The following MVB12B variants were observed in gnomAD, a reference collection of about 807,000 sequenced individuals.
MVB12B encodes the protein multivesicular body subunit 12B, also known as ESCRT-I complex subunit MVB12B.
In MVB12B, 16 loss-of-function variants were observed where a neutral mutation model predicts 41.6. That is an observed-to-expected ratio of 0.38 (90% confidence interval 0.26 to 0.58). The LOEUF is 0.58. Among genes scored for constraint, MVB12B ranks in the 20% least tolerant of loss-of-function variants. The pLI is 0.62. For missense variants in MVB12B, 274 were observed against 380.2 expected, an observed-to-expected ratio of 0.72 and a Z score of 2.32; for synonymous variants, 133 against 139.7, an observed-to-expected ratio of 0.95 and a Z score of 0.34.
chr9:126,488,266 A>G (rs1588208569), intron 9 of MVB12B, among the ~76,000 whole-genome samples: 1 of 133,274 alleles, frequency 7.5e-6, no homozygotes, highest in Non-Finnish European at 1.6e-5. Flanking sequence ...GCCCTTAGTG[A>G]GGGGCTTGGG....
At chr9:126,479,433 G>A (rs1396228133) in intron 7 of MVB12B, among the ~76,000 whole-genome samples, 1 of 152,114 alleles carries the variant, frequency 6.6e-6, no homozygotes, top group Non-Finnish European at 1.5e-5. Context: ...ATTCATTGCT[G>A]AACTTTTTCA....
In MVB12B at chr9:126,381,053, CT is replaced by C; in HGVS notation, c.205-10del. 6.2e-7 allele frequency: 1 copy of C among 1,611,666 alleles called. No homozygotes were observed. Among genetic ancestry groups the C allele is most frequent in the Non-Finnish European group, 8.5e-7 (1 of 1,177,844 alleles). ...TTACCTGCAATCCTTTTCTCTGTCTCTCCGGTGTAGGTTGCACAGACAGCAG... is the reference window on the plus strand; with the variant it reads ...TTACCTGCAATCCTTTTCTCTGTCTCCCGGTGTAGGTTGCACAGACAGCAG... On this transcript the variant is annotated splice_polypyrimidine_tract_variant and intron_variant, in intron 2 of 9. Coordinates refer to ENST00000361171, the MANE Select transcript of MVB12B (RefSeq NM_033446.3).
At chr9:126,375,711 C>T (rs1015497891) in intron 2 of MVB12B, among the ~76,000 whole-genome samples, 29 of 152,150 alleles carry the variant, frequency 1.9e-4, no homozygotes, top group African/African-American at 6.8e-4. Context: ...TTTTTAAGTC[C>T]TTGCACATCG....
At chr9:126,387,611 A>G (rs759561003) in intron 4 of MVB12B, among the ~76,000 whole-genome samples, 19 of 151,850 alleles carry the variant, frequency 1.3e-4, no homozygotes, top group Non-Finnish European at 2.6e-4. Context: ...GCATATTTTT[A>G]TTTTCCTGAT....
chr9:126,500,891 G>A (rs1341454670), intron 9 of MVB12B, among the ~76,000 whole-genome samples: 1 of 152,248 alleles, frequency 6.6e-6, no homozygotes, highest in African/African-American at 2.4e-5. Context: ...CCCACGCCCC[G>A]TGCATGTGCC....
At chr9:126,328,170 C>G (rs1392035995) in intron 1 of MVB12B, among the ~76,000 whole-genome samples, 1 of 152,104 alleles carries the variant, frequency 6.6e-6, no homozygotes, top group Non-Finnish European at 1.5e-5. Flanking sequence ...ACCTTTCTTG[C>G]TTGTTAGAAA....
At chr9:126,348,548 C>G (rs969074813) in intron 2 of MVB12B, among the ~76,000 whole-genome samples, 2 of 152,172 alleles carry the variant, frequency 1.3e-5, no homozygotes, top group African/African-American at 2.4e-5. Context: ...CCAAAGTTCC[C>G]GCTAATGACT....
intron 9 of MVB12B, among the ~76,000 whole-genome samples, chr9:126,501,192 T>TGGCGCTGCATG (rs1320506052): frequency 6.6e-6 from 1 of 152,230 alleles, no homozygotes; most frequent in East Asian, 1.9e-4. Flanking sequence ...GTGAGAGAGC[T>TGGCGCTGCATG]GGCGCTGCAT....
chr9:126,412,474 A>G (rs892479527), intron 6 of MVB12B, among the ~76,000 whole-genome samples: 2 of 152,186 alleles, frequency 1.3e-5, no homozygotes, highest in African/African-American at 4.8e-5. Context: ...CACATTATAT[A>G]GAAAACAAGG....
In MVB12B at chr9:126,376,131, G is replaced by A. The variant is rs1830474308; in HGVS notation, c.205-4933G>A. On this transcript the variant is annotated intron_variant, in intron 2 of 9. Coordinates refer to ENST00000361171, the MANE Select transcript of MVB12B (RefSeq NM_033446.3). This position sits in a 1 kb window ranked among gnomAD's most constrained non-coding sequence, Gnocchi z 4.1. Reference sequence around the variant, plus strand: ...TCCTATAATTGATCTCTTCATCTCTGTACTTTACCTTCTGGAAGATTTCCT... The same window carrying A: ...TCCTATAATTGATCTCTTCATCTCTATACTTTACCTTCTGGAAGATTTCCT... Among the ~76,000 whole-genome samples, 1 of 152,076 alleles carries A rather than the reference G, an allele frequency of 6.6e-6. No homozygotes were observed. The highest frequency in any genetic ancestry group is 2.1e-4 in the South Asian group (1 of 4,818).
At chr9:126,404,294 C>T (rs1831354539) in intron 6 of MVB12B, among the ~76,000 whole-genome samples, 1 of 152,178 alleles carries the variant, frequency 6.6e-6, no homozygotes, top group Non-Finnish European at 1.5e-5. Flanking sequence ...GAGTCAGTTA[C>T]TATTATCAGC....
chr9:126,419,735 C>A (rs528642276), intron 6 of MVB12B, among the ~76,000 whole-genome samples: 1 of 152,128 alleles, frequency 6.6e-6, no homozygotes, highest in South Asian at 2.1e-4. Context: ...CCAGACCTGG[C>A]CAGTCTTCCC....
At chr9:126,385,293 C>T (rs1415528870) in intron 3 of MVB12B, among the ~76,000 whole-genome samples, 1 of 152,136 alleles carries the variant, frequency 6.6e-6, no homozygotes, top group African/African-American at 2.4e-5. Context: ...CTTCATGGTT[C>T]TTAAACTCTA....
At chr9:126,493,781 C>T (rs779876363) in intron 9 of MVB12B, among the ~76,000 whole-genome samples, 29 of 152,154 alleles carry the variant, frequency 1.9e-4, no homozygotes, top group Admixed American at 1.8e-3. Flanking sequence ...TATTTTCTGC[C>T]ACTTATATGT....
At chr9:126,383,131 A>G (rs1004687714) in intron 3 of MVB12B, among the ~76,000 whole-genome samples, 4 of 152,234 alleles carry the variant, frequency 2.6e-5, no homozygotes, top group Non-Finnish European at 5.9e-5. Context: ...AGGAGGAATC[A>G]GAATATTTTA....
chr9:126,413,456 A>G (rs1477895781), intron 6 of MVB12B, among the ~76,000 whole-genome samples: 5 of 152,186 alleles, frequency 3.3e-5, no homozygotes, highest in Non-Finnish European at 7.4e-5. Context: ...AAATTTTCTT[A>G]AATAGGTCAT....
intron 7 of MVB12B, among the ~76,000 whole-genome samples, chr9:126,450,141 A>G (rs762826397): frequency 7.2e-5 from 11 of 152,230 alleles, no homozygotes; most frequent in Non-Finnish European, 1.2e-4. Flanking sequence ...GCCTATGCCC[A>G]AAGCCTGGGA....
At chr9:126,481,499 C>T in intron 8 of MVB12B, 75 bp downstream of exon 8, 1 of 1,098,012 alleles carries the variant, frequency 9.1e-7, no homozygotes, top group Non-Finnish European at 1.4e-6. Context: ...ATTTACACAG[C>T]ACGCAGGGCT....
At chr9:126,361,548 T>C (rs1017566948) in intron 2 of MVB12B, among the ~76,000 whole-genome samples, 2 of 151,106 alleles carry the variant, frequency 1.3e-5, no homozygotes, top group African/African-American at 4.9e-5. Flanking sequence ...TGCATTTGTG[T>C]AGATCTGCAT....
Sources: allele counts gnomAD v4.1 joint callset (sites outside exome capture counted in the v4.1 genomes callset), GRCh38; gene constraint gnomAD v4.1.1; non-coding constraint Gnocchi (gnomAD v3.1); transcripts MANE v1.5; gene names NCBI Gene and HGNC (gene_info 2026-07-23, HGNC 2026-07-21).